Variants in NUMA1 observed in about 807,000 individuals in gnomAD.
NUMA1 encodes the protein SP-H antigen.
A neutral mutation model predicts 237.1 loss-of-function variants in NUMA1; 62 were observed. That is an observed-to-expected ratio of 0.26 (90% CI 0.21 to 0.32). The LOEUF (loss-of-function observed/expected upper bound fraction) is 0.32. NUMA1 is among the 10% of genes least tolerant of loss of function. The probability of loss-of-function intolerance (pLI) is 1.00; values close to 1 mark genes in which losing one functional copy is unlikely to be tolerated. For missense variants in NUMA1, 2,533 were observed against 2,666.5 expected (o/e 0.95, Z 1.10); for synonymous variants, 1,028 against 1,066.1 (o/e 0.96, Z 0.70).
In NUMA1 at chr11:72,014,634, CCT is replaced by C; in HGVS notation, c.2867_2868del (p.Gln956ArgfsTer24). The part of the protein sequence containing the change: ...DRQPEWLEEQ[Q>X]GRQFCSTQAA... Reference sequence around the variant, plus strand: ...GCCTGTGTGCTGCAGAACTGGCGTCCCTGTTGCTCTTCCAGCCACTCGGGCTG... The same window carrying C: ...GCCTGTGTGCTGCAGAACTGGCGTCCGTTGCTCTTCCAGCCACTCGGGCTG... On this transcript the variant is annotated frameshift_variant, in exon 15 of 27. Transcript: ENST00000393695. LOFTEE classifies it high-confidence loss of function. This position sits in a 1 kb window ranked among gnomAD's most constrained non-coding sequence, Gnocchi z 4.6. 6.2e-7 allele frequency: 1 copy of C among 1,610,854 alleles called. No individual in the cohort carries two copies. The highest frequency in any genetic ancestry group is 8.5e-7 in the Non-Finnish European group (1 of 1,180,034).
At chr11:72,056,268 G>A (rs1942632328) in intron 2 of NUMA1, among the ~76,000 whole-genome samples, 1 of 151,798 alleles carries the variant, frequency 6.6e-6, no homozygotes. Context: ...AGGCTTCAGT[G>A]AGCTACGATT....
In NUMA1 at chr11:72,010,791, G is replaced by A; in HGVS notation, c.4714C>T (p.Leu1572=). ...CATTCCCCCAGCTGCCCCACCTTCA[G>A]CTTCTGCTGCTGCACCTTGCTGGCT... ...DQASKVQQQK[L]KAVQAQGGES... The change falls in exon 17 of 27, where the codon CTG becomes TTG. Residue 1572 remains leucine (L), a synonymous_variant. Coordinates refer to ENST00000393695, the MANE Select transcript of NUMA1 (RefSeq NM_006185.4). 1 of 1,613,276 alleles carries A rather than the reference G, an allele frequency of 6.2e-7. No homozygotes were observed. Among genetic ancestry groups the A allele is most frequent in the Admixed American group, 1.7e-5 (1 of 59,970 alleles).
chr11:72,038,431 C>A (rs1318719141), intron 2 of NUMA1, among the ~76,000 whole-genome samples: 4 of 152,304 alleles, frequency 2.6e-5, no homozygotes, highest in Non-Finnish European at 4.4e-5. Flanking sequence ...ACCTTGTCTG[C>A]TCTTCAGTTC....
intron 21 of NUMA1, 148 bp downstream of exon 21, chr11:72,007,041 C>T: frequency 4.4e-6 from 4 of 909,100 alleles, no homozygotes; most frequent in South Asian, 1.7e-5. Context: ...AACCAAGTCA[C>T]TGCCCTTTTT....
chr11:72,014,581 T>C lies in NUMA1; in HGVS notation c.2922A>G (p.Ala974=), dbSNP rs2134993722. 1 of 1,604,742 alleles carries C rather than the reference T, an allele frequency of 6.2e-7. No individual in the cohort carries two copies. The highest frequency in any genetic ancestry group is 8.5e-7 in the Non-Finnish European group (1 of 1,179,980). ...GTTCCAGCTCATTGCCCATCTGCTC[T>C]GCCTCCCGCTCCATAGCCTGCAGCG... ...QAALQAMERE[A]EQMGNELERL... Residue 974 remains alanine (A), a synonymous_variant, in exon 15 of 27, where the codon GCA becomes GCG. Transcript: ENST00000393695. This position sits in a 1 kb window ranked among gnomAD's most constrained non-coding sequence, Gnocchi z 4.6.
intron 2 of NUMA1, among the ~76,000 whole-genome samples, chr11:72,036,388 TTTTC>T (rs1262878855): frequency 6.6e-5 from 10 of 152,242 alleles, no homozygotes; most frequent in Non-Finnish European, 8.8e-5. Flanking sequence ...CTTTCAGTCT[TTTTC>T]TTTATCTGCA....
At chr11:72,007,526 C>T (rs1187014719) in intron 20 of NUMA1, 91 bp from the exon 21 acceptor site, 8 of 1,497,526 alleles carry the variant, frequency 5.3e-6, no homozygotes, top group Non-Finnish European at 7.2e-6. Flanking sequence ...CCCATCCTTA[C>T]TACAAGCAGA....
chr11:72,030,062 C>T (rs892763940), intron 3 of NUMA1, among the ~76,000 whole-genome samples: 3 of 151,892 alleles, frequency 2.0e-5, no homozygotes, highest in Admixed American at 6.6e-5. Context: ...GAGCCAAGCG[C>T]GGTGGCTCAC....
In NUMA1 at chr11:72,004,416, G is replaced by C. The variant is rs570711217; in HGVS notation, c.6007-75C>G. On this transcript the variant is annotated intron_variant, in intron 24 of 26. Transcript: ENST00000393695. ...TGAAGCCAGGTGTCTTGTCCTCTCA[G>C]AGCTGAGTGGACCTTGTAAGTCAAC... is the stretch of plus-strand genomic sequence containing the variant. The C allele has an allele frequency of 2.3e-4, 315 of 1,376,404 alleles. No individual in the cohort carries two copies. The African/African-American group carries it at 4.0e-3, about 17-fold the overall frequency. 85.3% of individuals were successfully genotyped at this position (1,376,404 alleles called of 1,614,324 possible).
intron 3 of NUMA1, among the ~76,000 whole-genome samples, chr11:72,034,771 G>C (rs1410253281): frequency 6.6e-6 from 1 of 151,894 alleles, no homozygotes; most frequent in African/African-American, 2.4e-5. Context: ...GACCAGTGCT[G>C]TGATTCTATG....
chr11:72,010,954 A>G, intron 16 of NUMA1, 100 bp from the exon 17 acceptor site: 1 of 1,033,700 alleles, frequency 9.7e-7, no homozygotes, highest in South Asian at 1.3e-5. Flanking sequence ...CAGGATCCCC[A>G]GTGTTCCTAG....
At chr11:72,031,284 C>G (rs1940272413) in intron 3 of NUMA1, among the ~76,000 whole-genome samples, 1 of 147,594 alleles carries the variant, frequency 6.8e-6, no homozygotes, top group Non-Finnish European at 1.5e-5. Flanking sequence ...GCCTGGGCAA[C>G]AGAGACATCT....
intron 15 of NUMA1, 84 bp from the exon 16 acceptor site, chr11:72,012,526 G>T: frequency 7.7e-7 from 1 of 1,300,974 alleles, no homozygotes. Context: ...ACCTCACTGA[G>T]GCTCTGATAC....
At chr11:72,024,893 G>GT (rs1565235415) in intron 4 of NUMA1, 1 of 155,130 alleles carries the variant, frequency 6.4e-6, no homozygotes, top group African/African-American at 2.4e-5. Flanking sequence ...GGACTAGAGT[G>GT]TTGTTTGTTT....
At chr11:72,053,154 ATTT>A (rs527330255) in intron 2 of NUMA1, among the ~76,000 whole-genome samples, 2 of 152,130 alleles carry the variant, frequency 1.3e-5, no homozygotes, top group African/African-American at 4.8e-5. Context: ...TGGCTATTTT[ATTT>A]TTAATTTTTG....
intron 2 of NUMA1, among the ~76,000 whole-genome samples, chr11:72,037,103 G>A (rs1941111296): frequency 6.6e-6 from 1 of 152,170 alleles, no homozygotes; most frequent in African/African-American, 2.4e-5. Context: ...TCTAGTACGG[G>A]AAAGAGATAC....
At chr11:72,076,710 A>G in intron 1 of NUMA1, 2 of 152,218 alleles carry the variant, frequency 1.3e-5, no homozygotes, top group East Asian at 1.9e-4. Context: ...GCTTGAACCC[A>G]GGAGGCAGAG....
At chr11:72,039,478 G>A (rs74979669) in intron 2 of NUMA1, among the ~76,000 whole-genome samples, 1 of 152,136 alleles carries the variant, frequency 6.6e-6, no homozygotes, top group African/African-American at 2.4e-5. Context: ...TGGTCCCAGA[G>A]AGTTGTTAAA....
chr11:72,005,136 C>A, intron 23 of NUMA1, 97 bp downstream of exon 23: 1 of 1,343,596 alleles, frequency 7.4e-7, no homozygotes, highest in South Asian at 1.5e-5. Flanking sequence ...CTCGGCCAGT[C>A]AGTGATCCAG....
Sources: gnomAD v4.1 joint callset for allele counts (sites outside exome capture counted in the v4.1 genomes callset) on GRCh38, gnomAD v4.1.1 for gene constraint, Gnocchi (gnomAD v3.1) non-coding constraint, MANE v1.5 for transcripts, NCBI Gene and HGNC (gene_info 2026-07-23, HGNC 2026-07-21) for gene names.